The following NR3C2 variants were observed in gnomAD, a reference collection of about 807,000 sequenced individuals.
NR3C2 encodes nuclear receptor subfamily 3 group C member 2.
In NR3C2, 15 loss-of-function variants were observed where a neutral mutation model predicts 86.4. The ratio of observed to expected loss-of-function variants is 0.17; its 90% CI spans 0.12 to 0.27. The LOEUF (loss-of-function observed/expected upper bound fraction) is 0.27. NR3C2 is among the 10% of genes least tolerant of loss of function. The pLI, the probability that NR3C2 is intolerant of heterozygous loss-of-function variation, is 1.00. For missense variants in NR3C2, 960 were observed against 1,195.6 expected, an observed-to-expected ratio of 0.80 and a Z score of 2.91; for synonymous variants, 458 against 450.5, an observed-to-expected ratio of 1.02 and a Z score of -0.21.
chr4:148,137,582 G>C (rs1733404739), intron 6 of NR3C2, among the ~76,000 whole-genome samples: 1 of 152,160 alleles, frequency 6.6e-6, no homozygotes, highest in African/African-American at 2.4e-5. Context: ...TCTTGAATGA[G>C]GAAACAGATC....
At chr4:148,193,343 C>A (rs1736292108) in intron 4 of NR3C2, among the ~76,000 whole-genome samples, 1 of 152,202 alleles carries the variant, frequency 6.6e-6, no homozygotes, top group South Asian at 2.1e-4. Context: ...TCTCCCAGGT[C>A]CTCCGGGAGC....
chr4:148,324,920 A>G (rs1743876186), intron 2 of NR3C2, among the ~76,000 whole-genome samples: 1 of 152,338 alleles, frequency 6.6e-6, no homozygotes, highest in East Asian at 1.9e-4. Flanking sequence ...ACATAGCAAA[A>G]TATCTGTGAC....
rs1343030663 is a variant in NR3C2, at chr4:148,198,935, C to T, written c.1898-4073G>A. 2.6e-5 allele frequency among the ~76,000 whole-genome samples: 4 copies of T among 151,686 alleles called. No homozygotes were observed. The South Asian group carries it at 6.3e-4, about 24-fold the overall frequency. ...CTCTACTAAAAATATAAAAAATTAG[C>T]CGGGCATGGTGGCGGGTGCCTGTAG... On this transcript the variant is annotated intron_variant, in intron 3 of 8. Transcript: ENST00000358102.
intron 2 of NR3C2, among the ~76,000 whole-genome samples, chr4:148,428,163 T>C (rs956653524): frequency 1.3e-5 from 2 of 152,156 alleles, no homozygotes; most frequent in Non-Finnish European, 2.9e-5. Flanking sequence ...ATGAGAAGAA[T>C]GCACAAAACA....
At chr4:148,083,621 C>T (rs188986760) in intron 8 of NR3C2, among the ~76,000 whole-genome samples, 24 of 152,240 alleles carry the variant, frequency 1.6e-4, no homozygotes, top group African/African-American at 5.1e-4. Context: ...AAAACCAGAA[C>T]GCCTCTTCTC....
chr4:148,303,111 T>C (rs1176559317), intron 2 of NR3C2, among the ~76,000 whole-genome samples: 1 of 152,214 alleles, frequency 6.6e-6, no homozygotes, highest in South Asian at 2.1e-4. Flanking sequence ...AAAGTCTATT[T>C]TGCAAACAAC....
At chr4:148,189,164 G>A (rs1343616945) in intron 4 of NR3C2, among the ~76,000 whole-genome samples, 1 of 151,988 alleles carries the variant, frequency 6.6e-6, no homozygotes, top group African/African-American at 2.4e-5. Flanking sequence ...CCTAATCTCA[G>A]GTGATCCTCC....
chr4:148,311,239 T>G (rs1742885489), intron 2 of NR3C2, among the ~76,000 whole-genome samples: 1 of 152,128 alleles, frequency 6.6e-6, no homozygotes, highest in Admixed American at 6.6e-5. Context: ...GACTCTCAAA[T>G]TAATAACTCC....
chr4:148,315,938 G>A (rs72656803), intron 2 of NR3C2, among the ~76,000 whole-genome samples: 15 of 151,984 alleles, frequency 9.9e-5, no homozygotes, highest in African/African-American at 2.7e-4. Context: ...TACAATCTCC[G>A]TTTTTGGAAT....
At chr4:148,442,466 G>C (rs932583233), upstream of NR3C2, 35 of 186,430 alleles carry the variant, frequency 1.9e-4, no homozygotes, top group Non-Finnish European at 6.1e-5. Context: ...GGGAGGGAGA[G>C]AGGGCGGGCG....
At position 148,154,886 on chromosome 4, in the gene NR3C2, T is replaced by A; in HGVS notation, c.2030A>T (p.Lys677Met). ...GMNLGARKSK[K>M]LGKLKGIHEE... is the part of the protein sequence containing the mutation. ...GTGAATCCCTTTTAACTTTCCCAAC[T>A]TCTTTGACTTTCGTGCTATAAGAAA... Residue 677 changes from lysine (K) to methionine (M), a missense_variant, in exon 5 of 9, where the codon AAG becomes ATG. Physicochemically the swap from Lys to Met is moderately conservative, Grantham distance 95 (BLOSUM62 -1). Transcript: ENST00000358102. 6.4e-7 allele frequency: 1 copy of A among 1,560,294 alleles called. No individual in the cohort carries two copies. Among genetic ancestry groups the A allele is most frequent in the Non-Finnish European group, 8.7e-7 (1 of 1,151,490 alleles).
chr4:148,157,162 G>A (rs1486842475), intron 4 of NR3C2, among the ~76,000 whole-genome samples: 1 of 110,814 alleles, frequency 9.0e-6, no homozygotes, highest in Non-Finnish European at 1.8e-5. Context: ...TTGTGGGGTG[G>A]GGGGAGGGGG....
At chr4:148,255,112 A>G (rs1739768400) in intron 3 of NR3C2, among the ~76,000 whole-genome samples, 1 of 151,656 alleles carries the variant, frequency 6.6e-6, no homozygotes, top group Non-Finnish European at 1.5e-5. Context: ...TGGCACCCTC[A>G]CTTGTTCTTC....
intron 2 of NR3C2, among the ~76,000 whole-genome samples, chr4:148,400,229 G>C (rs764860763): frequency 6.6e-6 from 1 of 152,208 alleles, no homozygotes; most frequent in African/African-American, 2.4e-5. Context: ...TTCAAGGGCT[G>C]AGCTAGCAGT....
chr4:148,107,428 G>A (rs1344123624), intron 8 of NR3C2, among the ~76,000 whole-genome samples: 10 of 152,210 alleles, frequency 6.6e-5, no homozygotes, highest in African/African-American at 2.4e-4. Flanking sequence ...CATTGTGGAA[G>A]ACAGTGTGGT....
At chr4:148,232,600 A>G (rs1738523775) in intron 3 of NR3C2, among the ~76,000 whole-genome samples, 1 of 152,180 alleles carries the variant, frequency 6.6e-6, no homozygotes, top group African/African-American at 2.4e-5. Context: ...GCTTTAACAT[A>G]AAGTCACCAG....
At chr4:148,260,744 CAG>C (rs767230511) in intron 2 of NR3C2, among the ~76,000 whole-genome samples, 9 of 152,142 alleles carry the variant, frequency 5.9e-5, no homozygotes, top group Non-Finnish European at 1.0e-4. Flanking sequence ...AAAAACCAAA[CAG>C]GGTAAATATC....
intron 2 of NR3C2, among the ~76,000 whole-genome samples, chr4:148,370,560 T>C (rs1024594827): frequency 2.0e-5 from 3 of 152,178 alleles, no homozygotes; most frequent in Non-Finnish European, 4.4e-5. Context: ...AACAGACGTG[T>C]ATTGTTAGGA....
chr4:148,290,850 T>C (rs1472613997), intron 2 of NR3C2, among the ~76,000 whole-genome samples: 2 of 152,192 alleles, frequency 1.3e-5, no homozygotes, highest in Non-Finnish European at 2.9e-5. Flanking sequence ...TGGAAAACTA[T>C]GAGGTTCATC....
Sources: allele counts gnomAD v4.1 joint callset (sites outside exome capture counted in the v4.1 genomes callset), GRCh38; gene constraint gnomAD v4.1.1; transcripts MANE v1.5; gene names NCBI Gene and HGNC (gene_info 2026-07-23, HGNC 2026-07-21).